ZFYVE21: variants seen among roughly 807,000 people sequenced by gnomAD.
ZFYVE21 encodes the protein zinc finger FYVE-type containing 21.
ZFYVE21 carries 21 observed loss-of-function variants against 29.5 expected under a neutral mutation model. The observed-to-expected ratio is 0.71, with a 90% CI of 0.50 to 1.02. The LOEUF is 1.02. Ranked by LOEUF, ZFYVE21 falls within the 50% of genes least tolerant of loss-of-function variation. The probability of loss-of-function intolerance (pLI) is 0.00; values close to 1 mark genes in which losing one functional copy is unlikely to be tolerated. For synonymous variants in ZFYVE21, 151 were observed against 133.8 expected (o/e 1.13, Z -0.89); for missense variants, 326 against 335.4 (o/e 0.97, Z 0.22).
chr14:103,718,303 C>T (rs563562519), intron 1 of ZFYVE21, among the ~76,000 whole-genome samples: 15 of 152,178 alleles, frequency 9.9e-5, no homozygotes, highest in Non-Finnish European at 1.8e-4. Flanking sequence ...GCCCAGTGCC[C>T]GTCTCCCGAA....
rs780166373 is a variant in ZFYVE21 at position 103,732,609 on chromosome 14, C to T, written c.527-11C>T. 7.1e-6 allele frequency: 11 copies of T among 1,558,802 alleles called. No individual in the cohort carries two copies. The highest frequency in any genetic ancestry group is 8.7e-6 in the Non-Finnish European group (10 of 1,155,128). ...TCCTTTGGGCCGTCTTACCTCGTCT[C>T]TCTCCTCCAGGAGGCAACGCACGGG... On this transcript the variant is annotated splice_polypyrimidine_tract_variant and intron_variant, in intron 5 of 6. Transcript: ENST00000311141.
At chr14:103,727,716 C>T in intron 2 of ZFYVE21, 30 bp from the exon 3 acceptor site, 1 of 1,597,146 alleles carries the variant, frequency 6.3e-7, no homozygotes, top group Admixed American at 1.7e-5. Context: ...CCTGCCCCTC[C>T]TCACTGCCAA....
intron 1 of ZFYVE21, among the ~76,000 whole-genome samples, chr14:103,718,938 C>A (rs530627194): frequency 2.0e-5 from 3 of 152,314 alleles, no homozygotes; most frequent in Admixed American, 6.5e-5. Flanking sequence ...CTAGAGGCGT[C>A]TGGAGCTGTG....
At chr14:103,722,321 A>C (rs2083879998) in intron 1 of ZFYVE21, among the ~76,000 whole-genome samples, 1 of 149,716 alleles carries the variant, frequency 6.7e-6, no homozygotes, top group African/African-American at 2.4e-5. Flanking sequence ...TTATATTTTT[A>C]AGGGGGCAAA....
Position 103,721,625 on chromosome 14 carries a change from G to A in ZFYVE21, c.139-5167G>A, listed in dbSNP as rs187045534. Among the ~76,000 whole-genome samples, 670 of 152,342 alleles carry A rather than the reference G, an allele frequency of 4.4e-3. 6 individuals are homozygous for A. The highest frequency in any genetic ancestry group is 0.015 in the African/African-American group (618 of 41,574). On this transcript the variant is annotated intron_variant, in intron 1 of 6. Coordinates refer to ENST00000311141, the MANE Select transcript of ZFYVE21 (RefSeq NM_024071.4). ...TAGCGGGTTTATCTGCTTGGCTTGGGCAAGAGGGTCAGGCAGCAGATGGGT... is the reference window on the plus strand; with the variant it reads ...TAGCGGGTTTATCTGCTTGGCTTGGACAAGAGGGTCAGGCAGCAGATGGGT...
At position 103,716,653 on chromosome 14, in the gene ZFYVE21, C is replaced by T. The variant is rs1456819949; in HGVS notation, c.138+674C>T. 6.6e-6 allele frequency among the ~76,000 whole-genome samples: 1 copy of T among 152,234 alleles called. No homozygotes were observed. Among genetic ancestry groups the T allele is most frequent in the Non-Finnish European group, 1.5e-5 (1 of 68,040 alleles). ...TTTGAAGGAGACCGCAGATTTGCACCCGTTTCCCATGGGCCCAGACACGGC... is the reference window on the plus strand; with the variant it reads ...TTTGAAGGAGACCGCAGATTTGCACTCGTTTCCCATGGGCCCAGACACGGC... On this transcript the variant is annotated intron_variant, in intron 1 of 6. Coordinates refer to ENST00000311141, the MANE Select transcript of ZFYVE21 (RefSeq NM_024071.4). This position sits in a 1 kb window ranked among gnomAD's most constrained non-coding sequence, Gnocchi z 4.8.
Position 103,732,988 on chromosome 14 carries a change from C to T in ZFYVE21, c.675C>T (p.Ala225=), listed in dbSNP as rs2084000600. The part of the protein sequence containing the change: ...VAWLVAMHKA[A]KLLYESRDQ ...TGATCTTGTCTGATCTGCAGGCTGC[C>T]AAGCTCCTCTATGAATCTCGGGACC... Residue 225 remains alanine (A), a synonymous_variant, in exon 7 of 7, where the codon GCC becomes GCT. Transcript: ENST00000311141. 6 of 1,614,074 alleles carry T rather than the reference C, an allele frequency of 3.7e-6. No individual in the cohort carries two copies. The highest frequency in any genetic ancestry group is 5.1e-6 in the Non-Finnish European group (6 of 1,180,028).
At position 103,732,964 on chromosome 14, in the gene ZFYVE21, G is replaced by C; in HGVS notation, c.670-19G>C. ...AGGACCAAGCAGGCCTCACTGTGTT[G>C]ATCTTGTCTGATCTGCAGGCTGCCA... is the stretch of plus-strand genomic sequence containing the variant. On this transcript the variant is annotated intron_variant, in intron 6 of 6. Transcript: ENST00000311141. 6.2e-7 allele frequency: 1 copy of C among 1,614,106 alleles called. No homozygotes were observed. Among genetic ancestry groups the C allele is most frequent in the Non-Finnish European group, 8.5e-7 (1 of 1,180,028 alleles).
rs2083993669 is a variant in ZFYVE21 at position 103,732,636 on chromosome 14, C to A, written c.543C>A (p.Ala181=). 1.3e-6 allele frequency: 2 copies of A among 1,589,220 alleles called. No homozygotes were observed. The highest frequency in any genetic ancestry group is 1.4e-5 in the African/African-American group (1 of 73,666). The change falls in exon 6 of 7, where the codon GCC becomes GCA. Residue 181 remains alanine (A), a synonymous_variant. Transcript: ENST00000311141. The part of the protein sequence containing the change: ...GFPPGGGNAR[A]TGMFLQYTVP... The stretch of plus-strand genomic sequence containing the variant: ...CTCCTCCAGGAGGCAACGCACGGGC[C>A]ACAGGCATGTTCCTGCAGTATACAG...
chr14:103,725,303 C>T (rs2083912873), intron 1 of ZFYVE21: 1 of 152,322 alleles, frequency 6.6e-6, no homozygotes, highest in South Asian at 2.1e-4. Context: ...GACTTCGTCC[C>T]TTGGTCATGA....
intron 1 of ZFYVE21, among the ~76,000 whole-genome samples, chr14:103,718,513 TG>T (rs1453329865): frequency 6.6e-6 from 1 of 152,118 alleles, no homozygotes; most frequent in Non-Finnish European, 1.5e-5. Flanking sequence ...CAGGAACCTG[TG>T]GGGCAGGGGA....
intron 3 of ZFYVE21, among the ~76,000 whole-genome samples, chr14:103,728,507 C>T (rs552047945): frequency 5.3e-5 from 8 of 152,346 alleles, no homozygotes; most frequent in Non-Finnish European, 8.8e-5. Flanking sequence ...GTGAAACGGG[C>T]ATGGTCCCTG....
In ZFYVE21 at chr14:103,729,780, C is replaced by T; in HGVS notation, c.526+598C>T. 3.3e-6 allele frequency: 5 copies of T among 1,536,526 alleles called. No individual in the cohort carries two copies. In the South Asian group the frequency reaches 3.6e-5, roughly 11 times the overall value. On this transcript the variant is annotated intron_variant, in intron 5 of 6. Coordinates refer to ENST00000311141, the MANE Select transcript of ZFYVE21 (RefSeq NM_024071.4). ...CTCCTTCTCGCCACTGCCTGCCCACCTTCTTGCCATAGAAAAAGACATTCA... is the reference window on the plus strand; with the variant it reads ...CTCCTTCTCGCCACTGCCTGCCCACTTTCTTGCCATAGAAAAAGACATTCA...
rs747328138 is a variant in ZFYVE21, at chr14:103,729,113, A to G, written c.457A>G (p.Ser153Gly). The G allele has an allele frequency of 1.1e-5, 18 of 1,614,016 alleles. No individual in the cohort carries two copies. The African/African-American group carries it at 1.9e-4, about 17-fold the overall frequency. ...NQRYLFLDGD[S>G]HYEIEIVHIS... ...TAGATACTTGTTTCTGGATGGAGAC[A>G]GCCACTATGAAATCGAAATTGTACA... The change falls in exon 5 of 7, where the codon AGC (serine) becomes GGC (glycine). Residue 153 changes from serine to glycine, a missense_variant. By Grantham distance (56) the Ser-to-Gly change is moderately conservative. Coordinates refer to ENST00000311141, the MANE Select transcript of ZFYVE21 (RefSeq NM_024071.4).
At chr14:103,732,598 T>C (rs1376286900) in intron 5 of ZFYVE21, 22 bp from the exon 6 acceptor site, 8 of 1,545,978 alleles carry the variant, frequency 5.2e-6, no homozygotes, top group Non-Finnish European at 7.0e-6. Flanking sequence ...TTGGGCCGTC[T>C]TACCTCGTCT....
At chr14:103,732,424 C>T in intron 5 of ZFYVE21, 196 bp from the exon 6 acceptor site, 1 of 549,596 alleles carries the variant, frequency 1.8e-6, no homozygotes, top group Non-Finnish European at 2.9e-6. Flanking sequence ...TCCCACCCCA[C>T]CTGTGAGCTT....
chr14:103,732,802 T>C, intron 6 of ZFYVE21, 40 bp downstream of exon 6: 1 of 1,604,544 alleles, frequency 6.2e-7, no homozygotes. Flanking sequence ...CCCTTTGGCT[T>C]AGACAAAAGC....
At chr14:103,726,770 C>T (rs201786145) in intron 1 of ZFYVE21, 22 bp from the exon 2 acceptor site, 175 of 1,613,528 alleles carry the variant, frequency 1.1e-4, no homozygotes, top group Non-Finnish European at 1.4e-4. Flanking sequence ...TGCGTTTTAA[C>T]GCTTTGTCGT....
Position 103,715,956 on chromosome 14 carries a change from C to G in ZFYVE21, c.115C>G (p.Pro39Ala). 7.1e-7 allele frequency: 1 copy of G among 1,404,892 alleles called. No individual in the cohort carries two copies. Among genetic ancestry groups the G allele is most frequent in the Admixed American group, 2.6e-5 (1 of 38,802 alleles). 87.0% of individuals were successfully genotyped at this position (1,404,892 alleles called of 1,614,324 possible). A position where few individuals can be genotyped will look rare whatever the true frequency, so the allele number is the denominator to read the frequency against. ...AFGSPFGLEE[P>A]QWVPDKECRR... ...CGGAAGCCCGTTCGGCCTGGAGGAG[C>G]CGCAGTGGGTCCCGGACAAGGAGGT... is the stretch of plus-strand genomic sequence containing the variant. Residue 39 changes from proline to alanine, a missense_variant, in exon 1 of 7, where the codon CCG becomes GCG. Transcript: ENST00000311141.
Sources: allele counts gnomAD v4.1 joint callset (sites outside exome capture counted in the v4.1 genomes callset), GRCh38; gene constraint gnomAD v4.1.1; non-coding constraint Gnocchi (gnomAD v3.1); transcripts MANE v1.5; gene names NCBI Gene and HGNC (gene_info 2026-07-23, HGNC 2026-07-21).